Variants in TMEM126A observed in about 807,000 individuals in gnomAD.
The protein encoded by TMEM126A is transmembrane protein 126A, also known as optic atrophy 7.
In TMEM126A, 10 loss-of-function variants were observed where a neutral mutation model predicts 18.3. That is an observed-to-expected ratio of 0.55 (90% CI 0.34 to 0.93). TMEM126A has a LOEUF of 0.93. TMEM126A is among the 40% of genes least tolerant of loss of function. The pLI, the probability that TMEM126A is intolerant of heterozygous loss-of-function variation, is 0.02. For synonymous variants in TMEM126A, 68 were observed against 78.1 expected (o/e 0.87, Z 0.68); for missense variants, 246 against 230.2 (o/e 1.07, Z -0.44).
At chr11:85,648,638 A>G (rs2082478029) in intron 1 of TMEM126A, among the ~76,000 whole-genome samples, 1 of 152,144 alleles carries the variant, frequency 6.6e-6, no homozygotes, top group African/African-American at 2.4e-5. Flanking sequence ...CCCATACACA[A>G]AATCATTCAG....
chr11:85,654,855 A>C (rs1236481451), intron 3 of TMEM126A, among the ~76,000 whole-genome samples: 1 of 150,182 alleles, frequency 6.7e-6, no homozygotes, highest in Non-Finnish European at 1.5e-5. Context: ...ATATATGGAA[A>C]TATTATATAT....
chr11:85,648,313 G>A lies in TMEM126A; in HGVS notation c.-8+224G>A, dbSNP rs556446089. Among the ~76,000 whole-genome samples the A allele has an allele frequency of 2.1e-4, 32 of 152,278 alleles. No homozygotes were observed. The South Asian group carries it at 6.4e-3, about 31-fold the overall frequency. On this transcript the variant is annotated intron_variant, in intron 1 of 4. Coordinates refer to ENST00000304511, the MANE Select transcript of TMEM126A (RefSeq NM_032273.4). ...ATGCCTGAGATTGAATTTAATCCCA[G>A]GTTTACTGTCAATTTACAAGGTGAC...
At chr11:85,648,763 T>G (rs968708633) in intron 1 of TMEM126A, among the ~76,000 whole-genome samples, 38 of 152,190 alleles carry the variant, frequency 2.5e-4, no homozygotes, top group Non-Finnish European at 1.0e-4. Context: ...ACTTATTAGG[T>G]TAGCTTTAAG....
intron 2 of TMEM126A, among the ~76,000 whole-genome samples, chr11:85,650,589 G>A (rs1210655228): frequency 6.6e-6 from 1 of 152,168 alleles, no homozygotes; most frequent in South Asian, 2.1e-4. Context: ...TTTCCATTAG[G>A]CTTGGAGTAT....
At chr11:85,654,540 C>T (rs2082523747) in intron 3 of TMEM126A, among the ~76,000 whole-genome samples, 1 of 152,152 alleles carries the variant, frequency 6.6e-6, no homozygotes, top group African/African-American at 2.4e-5. Context: ...CAACCTCCAC[C>T]TTCTGGGTTC....
At chr11:85,656,197 C>T in intron 4 of TMEM126A, 112 bp from the exon 5 acceptor site, 1 of 970,468 alleles carries the variant, frequency 1.0e-6, no homozygotes, top group Non-Finnish European at 1.6e-6. Flanking sequence ...AAGACCTTTA[C>T]TTTAATATTC....
At chr11:85,650,588 G>C (rs1417622189) in intron 2 of TMEM126A, among the ~76,000 whole-genome samples, 5 of 152,104 alleles carry the variant, frequency 3.3e-5, no homozygotes. Flanking sequence ...TTTTCCATTA[G>C]GCTTGGAGTA....
intron 2 of TMEM126A, among the ~76,000 whole-genome samples, chr11:85,652,527 T>C (rs141668292): frequency 7.6e-4 from 115 of 152,310 alleles, no homozygotes; most frequent in African/African-American, 2.7e-3. Context: ...TTTGTTAAAT[T>C]TGGGCTATTT....
At chr11:85,648,505 GTTA>G (rs1167593362) in intron 1 of TMEM126A, among the ~76,000 whole-genome samples, 1 of 152,218 alleles carries the variant, frequency 6.6e-6, no homozygotes, top group African/African-American at 2.4e-5. Context: ...ATAGATATTT[GTTA>G]TTAATATCGG....
chr11:85,653,574 C>G (rs897179571), intron 2 of TMEM126A, among the ~76,000 whole-genome samples: 11 of 152,192 alleles, frequency 7.2e-5, no homozygotes, highest in Admixed American at 2.0e-4. Flanking sequence ...CTGAAAACAT[C>G]AGTTTATTTC....
In TMEM126A at chr11:85,650,273, CAAT is replaced by C. The variant is rs779189085; in HGVS notation, c.24_26del (p.Asn8del). ...GGCTCAAAATGGAAAATCATAAATC[CAAT>C]AATAAGGAAAACATAACAATTGTTG... On this transcript the variant is annotated inframe_deletion, in exon 2 of 5. Transcript: ENST00000304511. The C allele has an allele frequency of 2.5e-5, 40 of 1,597,084 alleles. No homozygotes were observed. The highest frequency in any genetic ancestry group is 1.0e-4 in the Admixed American group (6 of 59,416).
intron 2 of TMEM126A, among the ~76,000 whole-genome samples, chr11:85,651,206 A>G (rs1399953160): frequency 6.6e-6 from 1 of 152,210 alleles, no homozygotes; most frequent in Non-Finnish European, 1.5e-5. Context: ...CTCTCTGACT[A>G]TAAAAGGATG....
chr11:85,654,716 G>C (rs1211795244), intron 3 of TMEM126A, among the ~76,000 whole-genome samples: 2 of 152,144 alleles, frequency 1.3e-5, no homozygotes, highest in Non-Finnish European at 2.9e-5. Flanking sequence ...TCTTCTCAAA[G>C]TGCTGGGATT....
chr11:85,651,020 G>A lies in TMEM126A; in HGVS notation c.86+679G>A, dbSNP rs561819716. On this transcript the variant is annotated intron_variant, in intron 2 of 4. Transcript: ENST00000304511. ...GGAGGCGGAGGTTGCAGTGAGCCGA[G>A]ATCACACCACTACACCCCAGCCTGG... 2.6e-5 allele frequency among the ~76,000 whole-genome samples: 3 copies of A among 117,044 alleles called. No homozygotes were observed. The East Asian group carries it at 8.2e-4, about 32-fold the overall frequency. 76.8% of individuals were successfully genotyped at this position (117,044 alleles called of 152,430 possible). A position where few individuals can be genotyped will look rare whatever the true frequency, so the allele number is the denominator to read the frequency against.
intron 2 of TMEM126A, among the ~76,000 whole-genome samples, chr11:85,652,794 T>C (rs889820613): frequency 4.6e-5 from 7 of 151,478 alleles, no homozygotes; most frequent in Admixed American, 4.0e-4. Context: ...ATATATAACA[T>C]GTATATATGT....
At chr11:85,651,610 G>T (rs962102731) in intron 2 of TMEM126A, among the ~76,000 whole-genome samples, 1 of 152,070 alleles carries the variant, frequency 6.6e-6, no homozygotes, top group African/African-American at 2.4e-5. Context: ...CCATCTTGCT[G>T]CCACTTACCA....
intron 3 of TMEM126A, 87 bp downstream of exon 3, chr11:85,654,343 T>C (rs1172510111): frequency 1.6e-6 from 2 of 1,277,762 alleles, no homozygotes; most frequent in African/African-American, 1.5e-5. Context: ...ATCAAGTAGC[T>C]GTATGCTGTA....
At chr11:85,651,874 G>T (rs1257997592) in intron 2 of TMEM126A, among the ~76,000 whole-genome samples, 1 of 152,132 alleles carries the variant, frequency 6.6e-6, no homozygotes, top group African/African-American at 2.4e-5. Context: ...ACTAATAAAA[G>T]AGTAGTAGGC....
chr11:85,654,719 C>T (rs751422475), intron 3 of TMEM126A, among the ~76,000 whole-genome samples: 4 of 152,164 alleles, frequency 2.6e-5, no homozygotes, highest in Non-Finnish European at 5.9e-5. Context: ...TCTCAAAGTG[C>T]TGGGATTACA....
Sources: allele counts gnomAD v4.1 joint callset (sites outside exome capture counted in the v4.1 genomes callset), GRCh38; gene constraint gnomAD v4.1.1; transcripts MANE v1.5; gene names NCBI Gene and HGNC (gene_info 2026-07-23, HGNC 2026-07-21).